Variants in GOLPH3 observed in about 807,000 individuals in gnomAD.
GOLPH3 encodes the protein golgi phosphoprotein 3, also known as coat protein GPP34.
Under a neutral mutation model 28.5 loss-of-function variants are expected in GOLPH3, and 14 were observed. That is an observed-to-expected ratio of 0.49 (90% confidence interval 0.32 to 0.77). The LOEUF is 0.77. GOLPH3 is among the 30% of genes least tolerant of loss of function. GOLPH3 has a pLI of 0.03. For synonymous variants in GOLPH3, 158 were observed against 159.2 expected, an observed-to-expected ratio of 0.99 and a Z score of 0.06; for missense variants, 350 against 393.7, an observed-to-expected ratio of 0.89 and a Z score of 0.94.
chr5:32,132,540 C>T (rs1000559627), intron 3 of GOLPH3, among the ~76,000 whole-genome samples: 3 of 152,254 alleles, frequency 2.0e-5, no homozygotes, highest in Middle Eastern at 6.8e-3. Context: ...TCTGTTCTAT[C>T]AAATTATTAG....
chr5:32,169,868 G>A (rs2111900684), intron 1 of GOLPH3, among the ~76,000 whole-genome samples: 1 of 150,734 alleles, frequency 6.6e-6, no homozygotes, highest in East Asian at 1.9e-4. Flanking sequence ...AAGTGAGCAT[G>A]AAAATCTTCT....
At chr5:32,150,936 C>T (rs1746290648) in intron 1 of GOLPH3, among the ~76,000 whole-genome samples, 1 of 152,154 alleles carries the variant, frequency 6.6e-6, no homozygotes, top group African/African-American at 2.4e-5. Context: ...TTAGGAAAAA[C>T]ATAATTGGAT....
intron 1 of GOLPH3, among the ~76,000 whole-genome samples, chr5:32,148,320 C>T (rs1746222867): frequency 6.6e-6 from 1 of 152,184 alleles, no homozygotes. Context: ...AAACATTTTA[C>T]AAAACATACT....
Position 32,145,262 on chromosome 5 carries a change from T to A in GOLPH3, c.226-1382A>T, listed in dbSNP as rs556616782. Among the ~76,000 whole-genome samples, 13 of 152,300 alleles carry A rather than the reference T, an allele frequency of 8.5e-5. No individual in the cohort carries two copies. In the South Asian group the frequency reaches 2.5e-3, roughly 29 times the overall value. ...AGGCACAAGCGGATAAACAAAAACA[T>A]CAGTGTTAAGAGATCAATTTAAATG... On this transcript the variant is annotated intron_variant, in intron 1 of 3. Transcript: ENST00000265070.
At position 32,153,717 on chromosome 5, in the gene GOLPH3, A is replaced by G. The variant is rs528867284; in HGVS notation, c.226-9837T>C. On this transcript the variant is annotated intron_variant, in intron 1 of 3. Coordinates refer to ENST00000265070, the MANE Select transcript of GOLPH3 (RefSeq NM_022130.4). ...AAGTTAAATAAAAATCTATAATGTT[A>G]AACTTGAACCAAAAACCACGTAAAC... Among the ~76,000 whole-genome samples the G allele has an allele frequency of 2.5e-4, 38 of 152,338 alleles. No homozygotes were observed. The South Asian group carries it at 7.9e-3, about 32-fold the overall frequency.
chr5:32,152,333 G>C (rs1746325513), intron 1 of GOLPH3, among the ~76,000 whole-genome samples: 1 of 150,500 alleles, frequency 6.6e-6, no homozygotes, highest in African/African-American at 2.4e-5. Flanking sequence ...CACTACGTTG[G>C]CCAAGCTGGT....
intron 1 of GOLPH3, among the ~76,000 whole-genome samples, chr5:32,151,462 A>G (rs1746305468): frequency 6.6e-6 from 1 of 152,154 alleles, no homozygotes; most frequent in African/African-American, 2.4e-5. Context: ...ATGAGCTATA[A>G]TTGCACTTAC....
chr5:32,174,082 C>G lies in GOLPH3; in HGVS notation c.-48G>C, dbSNP rs1420298109. On this transcript the variant is annotated 5_prime_UTR_variant, in exon 1 of 4. Coordinates refer to ENST00000265070, the MANE Select transcript of GOLPH3 (RefSeq NM_022130.4). ...CGGGCCGAGAGGGTCGCAGGACCGA[C>G]CGGGTCGCCCTCCTCCTCCCCGCGC... 1 of 1,201,572 alleles carries G rather than the reference C, an allele frequency of 8.3e-7. No individual in the cohort carries two copies. The highest frequency in any genetic ancestry group is 1.0e-6 in the Non-Finnish European group (1 of 958,712). 74.4% of individuals were successfully genotyped at this position (1,201,572 alleles called of 1,614,324 possible). A position where few individuals can be genotyped will look rare whatever the true frequency, so the allele number is the denominator to read the frequency against.
chr5:32,148,310 A>G (rs1279008451), intron 1 of GOLPH3, among the ~76,000 whole-genome samples: 1 of 152,240 alleles, frequency 6.6e-6, no homozygotes, highest in Non-Finnish European at 1.5e-5. Context: ...TGCAACCGCT[A>G]AACATTTTAC....
At chr5:32,158,174 C>CACACT (rs1491510840) in intron 1 of GOLPH3, among the ~76,000 whole-genome samples, 3 of 139,130 alleles carry the variant, frequency 2.2e-5, no homozygotes, top group Non-Finnish European at 4.7e-5. Context: ...CACACACACA[C>CACACT]GGCAAAATCA....
rs377527601 is a variant in GOLPH3, at chr5:32,158,023, T to TAAAATACACACAC, written c.226-14144_226-14143insGTGTGTGTATTTT. On this transcript the variant is annotated intron_variant, in intron 1 of 3. Coordinates refer to ENST00000265070, the MANE Select transcript of GOLPH3 (RefSeq NM_022130.4). The stretch of plus-strand genomic sequence containing the variant: ...TAAATAAATAAATAAATAAATAAAA[T>TAAAATACACACAC]ACACACACACACACACACACACACA... 2.6e-4 allele frequency among the ~76,000 whole-genome samples: 7 copies of TAAAATACACACAC among 26,760 alleles called. 1 individual carries two copies. Among genetic ancestry groups the TAAAATACACACAC allele is most frequent in the African/African-American group, 9.5e-4 (7 of 7,358 alleles). The allele number at this position is 26,760 out of a possible 152,430, so 17.6% of individuals were successfully genotyped here.
At chr5:32,165,439 CCT>C (rs935822360) in intron 1 of GOLPH3, among the ~76,000 whole-genome samples, 3 of 152,020 alleles carry the variant, frequency 2.0e-5, no homozygotes, top group Non-Finnish European at 4.4e-5. Flanking sequence ...AAAAAGTACC[CCT>C]GTGTGGTGGT....
At chr5:32,126,766 T>C in intron 3 of GOLPH3, 130 bp from the exon 4 acceptor site, 1 of 714,682 alleles carries the variant, frequency 1.4e-6, no homozygotes, top group Non-Finnish European at 2.3e-6. Context: ...CATGTTTTTC[T>C]CCCTAACTAG....
intron 3 of GOLPH3, among the ~76,000 whole-genome samples, chr5:32,135,368 G>A (rs1245205204): frequency 1.3e-5 from 2 of 152,122 alleles, no homozygotes; most frequent in African/African-American, 2.4e-5. Flanking sequence ...TATTATCTTC[G>A]CATTCTATAT....
chr5:32,134,280 A>C (rs536683199), intron 3 of GOLPH3, among the ~76,000 whole-genome samples: 2 of 152,038 alleles, frequency 1.3e-5, no homozygotes, highest in African/African-American at 2.4e-5. Flanking sequence ...ATCTTGGCTC[A>C]CTGCAACCTC....
chr5:32,133,549 A>T (rs1296769003), intron 3 of GOLPH3, among the ~76,000 whole-genome samples: 1 of 152,228 alleles, frequency 6.6e-6, no homozygotes. Flanking sequence ...ACAATGTACA[A>T]AATGATCCAT....
intron 3 of GOLPH3, 138 bp downstream of exon 3, chr5:32,135,434 C>G: frequency 1.6e-6 from 1 of 626,730 alleles, no homozygotes; most frequent in South Asian, 2.0e-5. Context: ...CTTCCCCACT[C>G]TATGACTGAT....
At chr5:32,167,748 C>A (rs1340246636) in intron 1 of GOLPH3, among the ~76,000 whole-genome samples, 1 of 149,348 alleles carries the variant, frequency 6.7e-6, no homozygotes. Context: ...GCCAGGAGTT[C>A]GAGACTAGGC....
intron 1 of GOLPH3, among the ~76,000 whole-genome samples, chr5:32,151,533 T>A (rs1366433322): frequency 6.6e-6 from 1 of 152,174 alleles, no homozygotes; most frequent in Non-Finnish European, 1.5e-5. Context: ...TTTGAAATAT[T>A]CAATTTTTTA....
Sources: allele counts gnomAD v4.1 joint callset (sites outside exome capture counted in the v4.1 genomes callset), GRCh38; gene constraint gnomAD v4.1.1; transcripts MANE v1.5; gene names NCBI Gene and HGNC (gene_info 2026-07-23, HGNC 2026-07-21).